Variants in KDM4C observed in about 807,000 individuals in gnomAD.
KDM4C encodes lysine demethylase 4C.
A neutral mutation model predicts 129.3 loss-of-function variants in KDM4C; 81 were observed. The ratio of observed to expected loss-of-function variants is 0.63; its 90% CI spans 0.52 to 0.75. The LOEUF (loss-of-function observed/expected upper bound fraction) is 0.75. KDM4C is among the 30% of genes least tolerant of loss of function. The probability of loss-of-function intolerance (pLI) is 0.00; values close to 1 mark genes in which losing one functional copy is unlikely to be tolerated. For missense variants in KDM4C, 1,457 were observed against 1,304.0 expected (o/e 1.12, Z -1.81); for synonymous variants, 573 against 456.1 (o/e 1.26, Z -3.26).
chr9:7,158,121 A>T (rs12002762), intron 19 of KDM4C, among the ~76,000 whole-genome samples: 1,635 of 152,146 alleles, frequency 0.011, 29 homozygotes, highest in African/African-American at 0.037. Flanking sequence ...CATTTCTTCT[A>T]GATTTTCTAG....
At chr9:6,873,939 A>AGT (rs1843173298) in intron 5 of KDM4C, among the ~76,000 whole-genome samples, 1 of 126,288 alleles carries the variant, frequency 7.9e-6, no homozygotes, top group East Asian at 2.2e-4. Flanking sequence ...AGTGAGAGAG[A>AGT]GCGAGAGAGA....
chr9:6,748,092 G>A (rs1322047226), intron 1 of KDM4C, among the ~76,000 whole-genome samples: 1 of 151,982 alleles, frequency 6.6e-6, no homozygotes, highest in Non-Finnish European at 1.5e-5. Context: ...CCTTAATCCG[G>A]GAGGCAGAGG....
chr9:6,826,137 AT>A (rs948923079), intron 4 of KDM4C, among the ~76,000 whole-genome samples: 36 of 152,104 alleles, frequency 2.4e-4, no homozygotes, highest in African/African-American at 8.5e-4. Flanking sequence ...ATACAAAAAA[AT>A]ATAAATGTTT....
chr9:6,911,915 G>A (rs1819389879), intron 8 of KDM4C, among the ~76,000 whole-genome samples: 2 of 152,134 alleles, frequency 1.3e-5, no homozygotes, highest in Admixed American at 1.3e-4. Flanking sequence ...GGCTTCTTAG[G>A]TCATGAGGCC....
intron 4 of KDM4C, among the ~76,000 whole-genome samples, chr9:6,833,664 T>G (rs1835320638): frequency 6.6e-6 from 1 of 152,174 alleles, no homozygotes; most frequent in South Asian, 2.1e-4. Context: ...GTGACATAAA[T>G]AAAACACCTC....
At chr9:6,772,456 C>T (rs1370238429) in intron 1 of KDM4C, among the ~76,000 whole-genome samples, 2 of 152,056 alleles carry the variant, frequency 1.3e-5, no homozygotes, top group East Asian at 1.9e-4. Context: ...CCGCCTCCTG[C>T]GTTCAAGCGA....
At position 6,740,034 on chromosome 9, in the gene KDM4C, C is replaced by T. The variant is rs140161260; in HGVS notation, c.49+19037C>T. Reference sequence around the variant, plus strand: ...TCTCCCAAGCAGCTGGGACTACAGGCGCGCGCCACCACACTCAGCTAATTT... The same window carrying T: ...TCTCCCAAGCAGCTGGGACTACAGGTGCGCGCCACCACACTCAGCTAATTT... On this transcript the variant is annotated intron_variant, in intron 1 of 17. Coordinates refer to the KDM4C transcript ENST00000536108. Among the ~76,000 whole-genome samples, 521 of 152,064 alleles carry T rather than the reference C, an allele frequency of 3.4e-3. 2 individuals carry two copies. Among genetic ancestry groups the T allele is most frequent in the African/African-American group, 0.012 (491 of 41,462 alleles).
intron 15 of KDM4C, among the ~76,000 whole-genome samples, chr9:7,041,669 C>T (rs1413628983): frequency 1.3e-5 from 2 of 151,932 alleles, no homozygotes; most frequent in Non-Finnish European, 2.9e-5. Context: ...TAGGTTCCTA[C>T]AGTGGGGTGA....
At chr9:6,761,366 C>G (rs967146651) in intron 1 of KDM4C, among the ~76,000 whole-genome samples, 1 of 151,468 alleles carries the variant, frequency 6.6e-6, no homozygotes, top group African/African-American at 2.4e-5. Flanking sequence ...CAGGGTGTAA[C>G]TCTGATGCCC....
At chr9:6,919,275 C>CTT (rs778966910) in intron 8 of KDM4C, among the ~76,000 whole-genome samples, 26 of 63,096 alleles carry the variant, frequency 4.1e-4, no homozygotes, top group Admixed American at 4.2e-4. Flanking sequence ...TTCTTTCTGT[C>CTT]TCTCTCTCTC....
At chr9:6,962,369 A>C (rs1226379811) in intron 8 of KDM4C, among the ~76,000 whole-genome samples, 1 of 152,232 alleles carries the variant, frequency 6.6e-6, no homozygotes. Flanking sequence ...TCAGAAACGC[A>C]AACTGACCTT....
intron 1 of KDM4C, among the ~76,000 whole-genome samples, chr9:6,729,236 AAAG>A (rs1658250513): frequency 7.9e-6 from 1 of 125,946 alleles, no homozygotes; most frequent in Non-Finnish European, 1.6e-5. Context: ...AAGAAGAAGA[AAAG>A]AAATAAATGG....
At chr9:6,942,537 C>CA (rs1826151564) in intron 8 of KDM4C, 1 of 151,460 alleles carries the variant, frequency 6.6e-6, no homozygotes. Context: ...AGTGGCATGT[C>CA]ACTGCTGCCA....
chr9:6,743,205 T>G (rs1436630488), intron 1 of KDM4C, among the ~76,000 whole-genome samples: 5 of 152,166 alleles, frequency 3.3e-5, no homozygotes, highest in Admixed American at 1.3e-4. Flanking sequence ...TTGTCTTAAG[T>G]AGAGCTAATG....
chr9:6,901,315 C>T (rs139250706), intron 8 of KDM4C, among the ~76,000 whole-genome samples: 79 of 152,312 alleles, frequency 5.2e-4, no homozygotes, highest in Admixed American at 4.9e-3. Flanking sequence ...TGCACTTCCA[C>T]CCCTGCAGGT....
chr9:6,923,276 T>G (rs1039965113), intron 8 of KDM4C, among the ~76,000 whole-genome samples: 2 of 152,192 alleles, frequency 1.3e-5, no homozygotes, highest in Admixed American at 1.3e-4. Context: ...AATGTTGCAC[T>G]GTTGCTGCAT....
chr9:6,841,911 T>C (rs1007305378), intron 4 of KDM4C, among the ~76,000 whole-genome samples: 24 of 152,384 alleles, frequency 1.6e-4, no homozygotes, highest in African/African-American at 5.3e-4. Context: ...TGCTAGATCC[T>C]ACTTATCCTG....
chr9:6,796,282 C>CA (rs1827744068), intron 2 of KDM4C, among the ~76,000 whole-genome samples: 3 of 152,052 alleles, frequency 2.0e-5, no homozygotes, highest in African/African-American at 7.2e-5. Flanking sequence ...CCATCTCTAC[C>CA]AAAAATACAA....
chr9:7,007,878 T>C (rs1288848955), intron 12 of KDM4C, among the ~76,000 whole-genome samples: 2 of 152,174 alleles, frequency 1.3e-5, no homozygotes, highest in Non-Finnish European at 2.9e-5. Context: ...AATAATGATT[T>C]TCCCAACCCA....
Sources: allele counts gnomAD v4.1 joint callset (sites outside exome capture counted in the v4.1 genomes callset), GRCh38; gene constraint gnomAD v4.1.1; transcripts MANE v1.5; gene names NCBI Gene and HGNC (gene_info 2026-07-23, HGNC 2026-07-21).